CTNNA3: variants seen among roughly 807,000 people sequenced by gnomAD.
CTNNA3 encodes the protein catenin alpha-3.
CTNNA3 carries 76 observed loss-of-function variants against 95.7 expected under a neutral mutation model. The observed-to-expected ratio is 0.79, with a 90% CI of 0.66 to 0.96. The LOEUF (loss-of-function observed/expected upper bound fraction) is 0.96. Ranked by LOEUF, CTNNA3 falls within the 40% of genes least tolerant of loss-of-function variation. CTNNA3 has a pLI of 0.00. For missense variants in CTNNA3, 1,191 were observed against 1,089.8 expected (o/e 1.09, Z -1.31); for synonymous variants, 431 against 374.4 (o/e 1.15, Z -1.74).
At chr10:67,225,671 C>T (rs1232351298) in intron 5 of CTNNA3, among the ~76,000 whole-genome samples, 19 of 152,056 alleles carry the variant, frequency 1.2e-4, no homozygotes, top group Admixed American at 6.6e-5. Context: ...ATAGGAAAAG[C>T]GGGAGAGTAC....
At chr10:67,755,416 C>G (rs1170254153) in intron 1 of CTNNA3, among the ~76,000 whole-genome samples, 1 of 151,800 alleles carries the variant, frequency 6.6e-6, no homozygotes, top group Non-Finnish European at 1.5e-5. Context: ...ATTAGTACAG[C>G]CACTATGGAA....
intron 9 of CTNNA3, among the ~76,000 whole-genome samples, chr10:66,651,143 G>T (rs1290966505): frequency 8.5e-5 from 13 of 152,148 alleles, no homozygotes; most frequent in African/African-American, 1.7e-4. Context: ...CAAACCGTGA[G>T]CTAGACAAAG....
chr10:66,145,589 T>C (rs1389821822), intron 13 of CTNNA3, among the ~76,000 whole-genome samples: 1 of 152,122 alleles, frequency 6.6e-6, no homozygotes, highest in Non-Finnish European at 1.5e-5. Context: ...AATGGTCTTG[T>C]GGAAAGAGGT....
At chr10:67,726,432 C>CATATCATATATAATATTATATATT (rs1841220700) in intron 1 of CTNNA3, among the ~76,000 whole-genome samples, 1 of 51,408 alleles carries the variant, frequency 1.9e-5, no homozygotes, top group Non-Finnish European at 2.8e-5. Flanking sequence ...TATATTATAT[C>CATATCATATATAATATTATATATT]ATATATAATA....
At chr10:67,347,785 G>T (rs976694369) in intron 5 of CTNNA3, among the ~76,000 whole-genome samples, 19 of 124,652 alleles carry the variant, frequency 1.5e-4, no homozygotes, top group African/African-American at 4.1e-4. Context: ...TCATAGAAAA[G>T]AATTTATATG....
At chr10:66,336,105 C>T (rs974608890) in intron 12 of CTNNA3, among the ~76,000 whole-genome samples, 4 of 152,050 alleles carry the variant, frequency 2.6e-5, no homozygotes, top group East Asian at 1.9e-4. Context: ...GTGGGAGTGA[C>T]CCGATTTTCC....
chr10:67,079,303 C>A (rs911354224), intron 7 of CTNNA3, among the ~76,000 whole-genome samples: 1 of 152,152 alleles, frequency 6.6e-6, no homozygotes, highest in Non-Finnish European at 1.5e-5. Context: ...GACATCATGG[C>A]CATGTAAGCC....
At chr10:67,192,309 G>A (rs1589845190) in intron 6 of CTNNA3, among the ~76,000 whole-genome samples, 1 of 151,872 alleles carries the variant, frequency 6.6e-6, no homozygotes, top group Non-Finnish European at 1.5e-5. Context: ...ACATGAAAAG[G>A]CAACACACAG....
intron 11 of CTNNA3, among the ~76,000 whole-genome samples, chr10:66,459,398 A>G (rs1311277359): frequency 6.6e-6 from 1 of 152,178 alleles, no homozygotes; most frequent in Non-Finnish European, 1.5e-5. Context: ...GAATTATTCA[A>G]TGATCAATCA....
chr10:67,352,674 C>T (rs927473361), intron 5 of CTNNA3, among the ~76,000 whole-genome samples: 2 of 151,896 alleles, frequency 1.3e-5, no homozygotes, highest in African/African-American at 4.8e-5. Context: ...ACTGTTACTA[C>T]GAAATGTAAC....
At chr10:66,777,869 C>T (rs983457521) in intron 7 of CTNNA3, among the ~76,000 whole-genome samples, 2 of 151,190 alleles carry the variant, frequency 1.3e-5, no homozygotes, top group Admixed American at 1.3e-4. Context: ...CTGTAAAAAC[C>T]CGCTAGCTTC....
At chr10:66,995,574 T>C (rs1393608097) in intron 7 of CTNNA3, among the ~76,000 whole-genome samples, 2 of 152,218 alleles carry the variant, frequency 1.3e-5, no homozygotes, top group Admixed American at 6.5e-5. Flanking sequence ...CAGGATAAAT[T>C]ACAAATCCTT....
At chr10:67,452,488 A>G (rs1455814253) in intron 5 of CTNNA3, among the ~76,000 whole-genome samples, 1 of 152,254 alleles carries the variant, frequency 6.6e-6, no homozygotes. Context: ...AACATTACTC[A>G]TAAGATATTA....
chr10:66,617,628 G>A (rs1844570648), intron 10 of CTNNA3, among the ~76,000 whole-genome samples: 1 of 152,108 alleles, frequency 6.6e-6, no homozygotes, highest in African/African-American at 2.4e-5. Flanking sequence ...AAATCTGGAA[G>A]CATTCCCTTT....
At chr10:66,116,166 T>G (rs1402421544) in intron 13 of CTNNA3, among the ~76,000 whole-genome samples, 2 of 152,202 alleles carry the variant, frequency 1.3e-5, no homozygotes, top group East Asian at 3.8e-4. Flanking sequence ...CATCATTGTA[T>G]AAGATGTAGT....
intron 15 of CTNNA3, among the ~76,000 whole-genome samples, chr10:66,056,003 A>C (rs1176303227): frequency 6.6e-6 from 1 of 151,408 alleles, no homozygotes; most frequent in East Asian, 1.9e-4. Flanking sequence ...TTCAATTTGA[A>C]TGACTTTTAT....
intron 7 of CTNNA3, among the ~76,000 whole-genome samples, chr10:66,781,121 A>G (rs7913384): frequency 6.6e-6 from 1 of 152,212 alleles, no homozygotes; most frequent in African/African-American, 2.4e-5. Flanking sequence ...TTTAAAGCAA[A>G]TAAAAATTTA....
chr10:67,085,435 A>G (rs887465751), intron 7 of CTNNA3, among the ~76,000 whole-genome samples: 1 of 151,962 alleles, frequency 6.6e-6, no homozygotes, highest in African/African-American at 2.4e-5. Context: ...CATAGGTAAG[A>G]CACTGAGAAG....
At chr10:66,388,545 T>A (rs754090996) in intron 11 of CTNNA3, among the ~76,000 whole-genome samples, 1 of 152,112 alleles carries the variant, frequency 6.6e-6, no homozygotes, top group African/African-American at 2.4e-5. Flanking sequence ...TTGCAGAAGG[T>A]TGTGTGATTA....
Sources: allele counts gnomAD v4.1 joint callset (sites outside exome capture counted in the v4.1 genomes callset), GRCh38; gene constraint gnomAD v4.1.1; transcripts MANE v1.5; gene names NCBI Gene and HGNC (gene_info 2026-07-23, HGNC 2026-07-21).